SUGP1: variants seen among roughly 807,000 people sequenced by gnomAD.
The protein encoded by SUGP1 is SURP and G-patch domain containing 1, also known as SURP and G-patch domain-containing protein 1.
SUGP1 carries 34 observed loss-of-function variants against 76.5 expected under a neutral mutation model. The observed-to-expected ratio is 0.44, with a 90% CI of 0.34 to 0.59. The LOEUF is 0.59. Among genes scored for constraint, SUGP1 ranks in the 20% least tolerant of loss-of-function variants. The pLI is 0.01. For missense variants in SUGP1, 752 were observed against 851.7 expected, an observed-to-expected ratio of 0.88 and a Z score of 1.46; for synonymous variants, 326 against 326.2, an observed-to-expected ratio of 1.00 and a Z score of 0.01.
chr19:19,300,323 G>T (rs1465824482), intron 7 of SUGP1, among the ~76,000 whole-genome samples: 1 of 151,568 alleles, frequency 6.6e-6, no homozygotes, highest in Non-Finnish European at 1.5e-5. Context: ...TGATCCACTT[G>T]CCTTGGCCTC....
chr19:19,320,345 T>G lies in SUGP1; in HGVS notation c.34+118A>C, dbSNP rs573500901. 304 of 1,117,006 alleles carry G rather than the reference T, an allele frequency of 2.7e-4. No homozygotes were observed. The African/African-American group carries it at 4.2e-3, about 16-fold the overall frequency. The allele number at this position is 1,117,006 out of a possible 1,614,324, so 69.2% of individuals were successfully genotyped here. A position where few individuals can be genotyped will look rare whatever the true frequency, so the allele number is the denominator to read the frequency against. On this transcript the variant is annotated intron_variant, in intron 1 of 13. Coordinates refer to ENST00000247001, the MANE Select transcript of SUGP1 (RefSeq NM_172231.4). ...AGGTGCAGAAGCCGACGCTGTGGGC[T>G]GCCCCGGGGCTGAAGCGAGGGATCC... is the stretch of plus-strand genomic sequence containing the variant.
At chr19:19,295,431 C>T (rs1171990794) in intron 8 of SUGP1, among the ~76,000 whole-genome samples, 2 of 151,574 alleles carry the variant, frequency 1.3e-5, no homozygotes, top group African/African-American at 2.4e-5. Flanking sequence ...GGTGAAACCC[C>T]CTCTCTACTA....
At chr19:19,294,050 G>A (rs539650700) in intron 8 of SUGP1, among the ~76,000 whole-genome samples, 1 of 152,172 alleles carries the variant, frequency 6.6e-6, no homozygotes, top group Non-Finnish European at 1.5e-5. Context: ...AGCCAGGCAT[G>A]GAAGAGCATG....
chr19:19,303,137 C>T (rs1226115462), intron 6 of SUGP1, among the ~76,000 whole-genome samples: 4 of 152,220 alleles, frequency 2.6e-5, no homozygotes, highest in African/African-American at 7.2e-5. Flanking sequence ...TGTGGCCTGA[C>T]ACTCAGGCTT....
At chr19:19,297,376 G>C (rs766957385) in intron 7 of SUGP1, 32 bp from the exon 8 acceptor site, 11 of 1,311,620 alleles carry the variant, frequency 8.4e-6, no homozygotes, top group Non-Finnish European at 1.0e-5. Flanking sequence ...TGCAGTGTCA[G>C]CTGGGCCCGA....
At chr19:19,290,893 C>T (rs11668749) in intron 8 of SUGP1, among the ~76,000 whole-genome samples, 4,272 of 151,780 alleles carry the variant, frequency 0.028, 86 homozygotes, top group East Asian at 0.065. Flanking sequence ...CTGAGGTGGG[C>T]GGATCACAAG....
Position 19,310,207 on chromosome 19 carries a change from C to T in SUGP1, c.207-7G>A. On this transcript the variant is annotated splice_polypyrimidine_tract_variant and splice_region_variant and intron_variant, in intron 2 of 13. Transcript: ENST00000247001. ...GTTGTGTGCATTTGTGATTCTAGAA[C>T]CAAGACAGAGGACAGAGAGGGTGAG... 1.2e-6 allele frequency: 2 copies of T among 1,610,130 alleles called. No individual in the cohort carries two copies. The highest frequency in any genetic ancestry group is 1.7e-6 in the Non-Finnish European group (2 of 1,176,732).
At chr19:19,294,153 C>T (rs1019491398) in intron 8 of SUGP1, among the ~76,000 whole-genome samples, 9 of 151,662 alleles carry the variant, frequency 5.9e-5, no homozygotes, top group Non-Finnish European at 1.2e-4. Context: ...TGCCACGGCA[C>T]TCCAGCCTGC....
chr19:19,299,941 G>A (rs117961479), intron 7 of SUGP1, among the ~76,000 whole-genome samples: 2,645 of 151,854 alleles, frequency 0.017, 95 homozygotes, highest in South Asian at 0.11. Context: ...GCAGGCATGC[G>A]CTAATTTTGT....
intron 13 of SUGP1, 83 bp downstream of exon 13, chr19:19,276,864 C>A: frequency 6.3e-7 from 1 of 1,583,194 alleles, no homozygotes; most frequent in Non-Finnish European, 8.6e-7. Flanking sequence ...CCTGGCTGGA[C>A]TGAGGAAGGA....
intron 10 of SUGP1, 136 bp downstream of exon 10, chr19:19,279,077 C>T (rs2061076219): frequency 2.9e-6 from 3 of 1,043,044 alleles, no homozygotes; most frequent in East Asian, 2.6e-5. Flanking sequence ...CCAGGCCTCA[C>T]AGCCACAGGA....
chr19:19,296,145 C>T (rs991226055), intron 8 of SUGP1, among the ~76,000 whole-genome samples: 15 of 151,866 alleles, frequency 9.9e-5, no homozygotes, highest in Admixed American at 5.9e-4. Flanking sequence ...AGTGAGACCC[C>T]GTCTCCATAA....
intron 8 of SUGP1, among the ~76,000 whole-genome samples, chr19:19,294,527 A>C (rs1023545314): frequency 6.0e-5 from 9 of 150,882 alleles, no homozygotes; most frequent in Non-Finnish European, 1.2e-4. Context: ...AAAAAAAAAA[A>C]CCCAAAATAG....
rs944320360 is a variant in SUGP1, at chr19:19,303,754, A to G, written c.632T>C (p.Met211Thr). 5.0e-6 allele frequency: 8 copies of G among 1,614,062 alleles called. No individual in the cohort carries two copies. The highest frequency in any genetic ancestry group is 4.0e-5 in the African/African-American group (3 of 74,934). The change falls in exon 5 of 14, where the codon ATG (methionine) becomes ACG (threonine). Residue 211 changes from methionine (M) to threonine (T), a missense_variant. By Grantham distance (81) the Met-to-Thr change is moderately conservative. Around this residue, in one of 2 missense-constraint regions of SUGP1, gnomAD observed 620 missense variants for 617.3 expected, o/e 1.00. Transcript: ENST00000247001. Reference sequence around the variant, plus strand: ...TGCTGGGTTATCCTTGTAGTCCTCCATAGCTACTTTTTCTAACTCGGGGCC... The same window carrying G: ...TGCTGGGTTATCCTTGTAGTCCTCCGTAGCTACTTTTTCTAACTCGGGGCC... Reference protein sequence around the residue: ...EGGPELEKVAMEDYKDNPAFA... With the variant: ...EGGPELEKVATEDYKDNPAFA...
intron 4 of SUGP1, 31 bp downstream of exon 4, chr19:19,305,818 T>C (rs2061312562): frequency 6.4e-7 from 1 of 1,563,640 alleles, no homozygotes; most frequent in Admixed American, 1.7e-5. Flanking sequence ...CGGGCACTGG[T>C]GGTGGGGGAG....
rs780392068 is a variant in SUGP1, at chr19:19,278,789, G to A, written c.1536C>T (p.Ala512=). The A allele has an allele frequency of 9.3e-6, 15 of 1,613,044 alleles. No individual in the cohort carries two copies. Among genetic ancestry groups the A allele is most frequent in the South Asian group, 3.3e-5 (3 of 90,806 alleles). ...RMEMDKTREW[A]EQLTKMGRGK... is the part of the protein sequence containing the mutation. Reference sequence around the variant, plus strand: ...CCCGGCCCATCTTTGTCAGCTGCTCGGCCCATTCTGCTCAGAGAAGCAGAA... The same window carrying A: ...CCCGGCCCATCTTTGTCAGCTGCTCAGCCCATTCTGCTCAGAGAAGCAGAA... Residue 512 remains alanine, a synonymous_variant, in exon 11 of 14, where the codon GCC becomes GCT. Transcript: ENST00000247001.
chr19:19,287,598 C>T (rs987980524), intron 8 of SUGP1, among the ~76,000 whole-genome samples: 10 of 152,042 alleles, frequency 6.6e-5, no homozygotes, highest in African/African-American at 2.4e-4. Context: ...GAAGAGCTAA[C>T]AGATACCACA....
rs975494489 is a variant in SUGP1 at position 19,302,320 on chromosome 19, C to T, written c.832G>A (p.Gly278Ser). 1.9e-6 allele frequency: 3 copies of T among 1,614,034 alleles called. No individual in the cohort carries two copies. In the South Asian group the frequency reaches 3.3e-5, roughly 18 times the overall value. The change falls in exon 7 of 14, where the codon GGT (glycine) becomes AGT (serine). Residue 278 changes from glycine (G) to serine (S), a missense_variant. Coordinates refer to ENST00000247001, the MANE Select transcript of SUGP1 (RefSeq NM_172231.4). Reference protein sequence around the residue: ...EKLARFIADGGPEVETIALQN... With the variant: ...EKLARFIADGSPEVETIALQN... The stretch of plus-strand genomic sequence containing the variant: ...AGGGCAATGGTTTCCACCTCGGGAC[C>T]CCCGTCCGCTATGAACCTGGCCAAC...
chr19:19,318,119 T>TTTTTTTC lies in SUGP1; in HGVS notation c.35-1527_35-1526insGAAAAAA, dbSNP rs2061408570. Among the ~76,000 whole-genome samples the TTTTTTTC allele has an allele frequency of 4.9e-5, 7 of 143,084 alleles. No homozygotes were observed. In the South Asian group the frequency reaches 1.6e-3, roughly 33 times the overall value. 93.9% of individuals were successfully genotyped at this position (143,084 alleles called of 152,430 possible). On this transcript the variant is annotated intron_variant, in intron 1 of 13. Coordinates refer to ENST00000247001, the MANE Select transcript of SUGP1 (RefSeq NM_172231.4). ...AGCCACCGAACCCAGCCTTCTTTTT[T>TTTTTTTC]TTTTTTTTTTTTTTTGAGATGAAGT...
Sources: allele counts gnomAD v4.1 joint callset (sites outside exome capture counted in the v4.1 genomes callset), GRCh38; gene constraint gnomAD v4.1.1; regional missense constraint gnomAD v4.1.1; transcripts MANE v1.5; gene names NCBI Gene and HGNC (gene_info 2026-07-23, HGNC 2026-07-21).